The following FMN2 variants were observed in gnomAD, a reference collection of about 807,000 sequenced individuals.
FMN2 encodes formin-2.
Under a neutral mutation model 142.3 loss-of-function variants are expected in FMN2, and 51 were observed. The ratio of observed to expected loss-of-function variants is 0.36; its 90% CI spans 0.29 to 0.45. The LOEUF is 0.45. Among genes scored for constraint, FMN2 ranks in the 20% least tolerant of loss-of-function variants. The probability of loss-of-function intolerance (pLI) is 1.00; values close to 1 mark genes in which losing one functional copy is unlikely to be tolerated. For missense variants in FMN2, 1,936 were observed against 2,122.8 expected (o/e 0.91, Z 1.73); for synonymous variants, 882 against 869.8 (o/e 1.01, Z -0.25).
chr1:240,261,134 A>C (rs1668611772), intron 7 of FMN2, among the ~76,000 whole-genome samples: 1 of 152,158 alleles, frequency 6.6e-6, no homozygotes, highest in Non-Finnish European at 1.5e-5. Flanking sequence ...TACCAGTACC[A>C]TGCTGTTTTG....
At chr1:240,320,961 A>G (rs753043866) in intron 8 of FMN2, among the ~76,000 whole-genome samples, 5 of 152,170 alleles carry the variant, frequency 3.3e-5, no homozygotes, top group Non-Finnish European at 7.3e-5. Flanking sequence ...ATGCTCTCAC[A>G]GGGGGAAAAA....
At chr1:240,318,158 A>G (rs778631459) in intron 8 of FMN2, among the ~76,000 whole-genome samples, 8 of 152,138 alleles carry the variant, frequency 5.3e-5, no homozygotes, top group Non-Finnish European at 1.0e-4. Flanking sequence ...TTGGCTGCCC[A>G]CTGGGCCCCC....
chr1:240,411,517 G>A lies in FMN2; in HGVS notation c.4910+18955G>A, dbSNP rs57895331. Among the ~76,000 whole-genome samples, 915 of 151,188 alleles carry A rather than the reference G, an allele frequency of 6.1e-3. 5 individuals are homozygous for A. Among genetic ancestry groups the A allele is most frequent in the African/African-American group, 0.021 (876 of 41,136 alleles). ...ACCTGGGAGGCGGAGGTTGTAGTGA[G>A]CAGAGATGGTGCCATTGTACTCCAG... is the stretch of plus-strand genomic sequence containing the variant. On this transcript the variant is annotated intron_variant, in intron 15 of 17. Transcript: ENST00000319653.
rs560778515 is a variant in FMN2 at position 240,111,621 on chromosome 1, G to A, written c.1616-11558G>A. Among the ~76,000 whole-genome samples the A allele has an allele frequency of 1.3e-4, 20 of 152,134 alleles. No individual in the cohort carries two copies. In the East Asian group the frequency reaches 1.6e-3, roughly 12 times the overall value. On this transcript the variant is annotated intron_variant, in intron 1 of 17. Transcript: ENST00000319653. ...GTCTTGGTTTTAGTGGGTTTTAGCC[G>A]GCTTCTTTACTGCAATCTGTCTTAT...
At chr1:240,367,975 C>A (rs1672739066) in intron 14 of FMN2, among the ~76,000 whole-genome samples, 2 of 151,948 alleles carry the variant, frequency 1.3e-5, no homozygotes, top group Non-Finnish European at 2.9e-5. Context: ...TGTTTAGTGC[C>A]ATGTAAGGAA....
At chr1:240,195,746 G>A (rs1183818150) in intron 4 of FMN2, among the ~76,000 whole-genome samples, 1 of 152,166 alleles carries the variant, frequency 6.6e-6, no homozygotes, top group African/African-American at 2.4e-5. Flanking sequence ...GGCTGGGTGT[G>A]GTAGCTCATG....
intron 8 of FMN2, among the ~76,000 whole-genome samples, chr1:240,300,927 A>G (rs904643709): frequency 6.8e-6 from 1 of 146,916 alleles, no homozygotes; most frequent in African/African-American, 2.5e-5. Context: ...CCATCTGTGT[A>G]CTTTCAACTT....
intron 15 of FMN2, among the ~76,000 whole-genome samples, chr1:240,410,900 C>A (rs1674365186): frequency 6.6e-6 from 1 of 152,090 alleles, no homozygotes; most frequent in Non-Finnish European, 1.5e-5. Flanking sequence ...CCTAGCCAAC[C>A]CTACCCTCTC....
chr1:240,107,494 T>TA (rs1188084313), intron 1 of FMN2, among the ~76,000 whole-genome samples: 5 of 152,152 alleles, frequency 3.3e-5, no homozygotes, highest in Admixed American at 6.5e-5. Context: ...ACAATTAAAT[T>TA]AAAAAAACAT....
chr1:240,425,638 C>T (rs1194233556), intron 15 of FMN2, among the ~76,000 whole-genome samples: 1 of 152,148 alleles, frequency 6.6e-6, no homozygotes, highest in African/African-American at 2.4e-5. Context: ...AAAGGGTTTA[C>T]CCTGATCAGG....
intron 2 of FMN2, among the ~76,000 whole-genome samples, chr1:240,142,413 T>C (rs1663222143): frequency 6.6e-6 from 1 of 152,162 alleles, no homozygotes; most frequent in East Asian, 1.9e-4. Flanking sequence ...TGAAGATGGA[T>C]GGACAAGAAG....
At chr1:240,466,503 T>C (rs2103239218) in intron 16 of FMN2, among the ~76,000 whole-genome samples, 1 of 152,332 alleles carries the variant, frequency 6.6e-6, no homozygotes. Context: ...ATATGGTCAT[T>C]TTTGCCCAAG....
At chr1:240,165,542 A>T (rs1388934089) in intron 2 of FMN2, among the ~76,000 whole-genome samples, 1 of 152,092 alleles carries the variant, frequency 6.6e-6, no homozygotes, top group Non-Finnish European at 1.5e-5. Flanking sequence ...TGTGAGTCTG[A>T]TAACAATCTA....
intron 15 of FMN2, among the ~76,000 whole-genome samples, chr1:240,423,741 A>G (rs984582902): frequency 6.6e-6 from 1 of 152,358 alleles, no homozygotes; most frequent in Middle Eastern, 3.4e-3. Flanking sequence ...GGCCAGTCCA[A>G]TCATAGATGT....
intron 4 of FMN2, among the ~76,000 whole-genome samples, chr1:240,202,087 A>C (rs1666147362): frequency 6.6e-6 from 1 of 152,170 alleles, no homozygotes; most frequent in East Asian, 1.9e-4. Flanking sequence ...CGACTTTCTA[A>C]ATCTTTGTGT....
intron 3 of FMN2, among the ~76,000 whole-genome samples, chr1:240,180,571 T>TA (rs1159998282): frequency 1.3e-5 from 2 of 150,042 alleles, no homozygotes; most frequent in Admixed American, 1.3e-4. Context: ...GACCCCTTTT[T>TA]TTTTTTTTTT....
intron 15 of FMN2, among the ~76,000 whole-genome samples, chr1:240,398,069 C>T (rs1673846085): frequency 6.6e-6 from 1 of 151,154 alleles, no homozygotes; most frequent in Non-Finnish European, 1.5e-5. Context: ...CATCTCAGCT[C>T]ACTGCAACCT....
chr1:240,191,102 G>A lies in FMN2; in HGVS notation c.1986+2840G>A, dbSNP rs1266922425. Reference sequence around the variant, plus strand: ...CTGCGTTCTTCTGTGGTCGTAATGTGAGATCCCCAGGACTGCTTAGTCAGA... The same window carrying A: ...CTGCGTTCTTCTGTGGTCGTAATGTAAGATCCCCAGGACTGCTTAGTCAGA... On this transcript the variant is annotated intron_variant, in intron 4 of 17. Coordinates refer to ENST00000319653, the MANE Select transcript of FMN2 (RefSeq NM_020066.5). Among the ~76,000 whole-genome samples, 8 of 152,140 alleles carry A rather than the reference G, an allele frequency of 5.3e-5. No individual in the cohort carries two copies. In the East Asian group the frequency reaches 1.5e-3, roughly 29 times the overall value.
chr1:240,177,856 A>T, intron 2 of FMN2, 65 bp from the exon 3 acceptor site: 2 of 1,384,380 alleles, frequency 1.4e-6, no homozygotes, highest in South Asian at 1.8e-5. Context: ...GCAATGTATT[A>T]GTCATGGCTT....
Sources: allele counts gnomAD v4.1 joint callset (sites outside exome capture counted in the v4.1 genomes callset), GRCh38; gene constraint gnomAD v4.1.1; transcripts MANE v1.5; gene names NCBI Gene and HGNC (gene_info 2026-07-23, HGNC 2026-07-21).